The following KCTD8 variants were observed in gnomAD, a reference collection of about 807,000 sequenced individuals.
KCTD8 encodes the protein potassium channel tetramerization domain containing 8, also known as BTB/POZ domain-containing protein KCTD8.
A neutral mutation model predicts 31.5 loss-of-function variants in KCTD8; 27 were observed. That is an observed-to-expected ratio of 0.86 (90% CI 0.63 to 1.18). The LOEUF is 1.18. KCTD8 is among the 50% of genes most tolerant of loss of function. The pLI is 0.00. For synonymous variants in KCTD8, 290 were observed against 280.0 expected, an observed-to-expected ratio of 1.04 and a Z score of -0.36; for missense variants, 658 against 647.7, an observed-to-expected ratio of 1.02 and a Z score of -0.17.
chr4:44,375,066 C>T (rs1719886152), intron 1 of KCTD8, among the ~76,000 whole-genome samples: 1 of 152,146 alleles, frequency 6.6e-6, no homozygotes. Context: ...TTATGACATT[C>T]ATTCACCTGA....
chr4:44,350,815 T>G (rs1719175984), intron 1 of KCTD8, among the ~76,000 whole-genome samples: 1 of 152,174 alleles, frequency 6.6e-6, no homozygotes, highest in Non-Finnish European at 1.5e-5. Context: ...TTTTCTGCCC[T>G]AATTCAGCCT....
At chr4:44,305,437 A>G (rs531738100) in intron 1 of KCTD8, among the ~76,000 whole-genome samples, 1 of 151,882 alleles carries the variant, frequency 6.6e-6, no homozygotes, top group South Asian at 2.1e-4. Flanking sequence ...AGATGCAGCT[A>G]TATTTATATC....
intron 1 of KCTD8, among the ~76,000 whole-genome samples, chr4:44,211,363 A>G (rs1398423014): frequency 6.6e-6 from 1 of 152,206 alleles, no homozygotes; most frequent in Non-Finnish European, 1.5e-5. Flanking sequence ...TTATTTTAGT[A>G]TACATAAACA....
chr4:44,393,753 T>C (rs1012733809), intron 1 of KCTD8, among the ~76,000 whole-genome samples: 1 of 151,920 alleles, frequency 6.6e-6, no homozygotes, highest in African/African-American at 2.4e-5. Flanking sequence ...CATGAACTAG[T>C]TATCCTCACC....
At chr4:44,242,345 G>A (rs188077345) in intron 1 of KCTD8, among the ~76,000 whole-genome samples, 26 of 152,246 alleles carry the variant, frequency 1.7e-4, no homozygotes, top group Admixed American at 7.8e-4. Context: ...TTGGGAGGCC[G>A]ACGCAGGCGG....
intron 1 of KCTD8, among the ~76,000 whole-genome samples, chr4:44,426,178 C>T (rs1206186471): frequency 1.3e-5 from 2 of 151,186 alleles, no homozygotes; most frequent in Non-Finnish European, 3.0e-5. Flanking sequence ...TTAAGTAGGT[C>T]CATCAAGAAA....
intron 1 of KCTD8, among the ~76,000 whole-genome samples, chr4:44,422,365 T>C (rs1721234844): frequency 6.6e-6 from 1 of 152,010 alleles, no homozygotes; most frequent in South Asian, 2.1e-4. Flanking sequence ...TTTGTGTAAA[T>C]GGGAAGGAGG....
chr4:44,187,990 C>CACACACACACACACAT (rs1553891508), intron 1 of KCTD8, among the ~76,000 whole-genome samples: 27 of 142,236 alleles, frequency 1.9e-4, no homozygotes, highest in Admixed American at 1.5e-3. Flanking sequence ...CACACACACA[C>CACACACACACACACAT]ATATATATAT....
At chr4:44,212,701 C>G (rs1315571358) in intron 1 of KCTD8, among the ~76,000 whole-genome samples, 1 of 152,086 alleles carries the variant, frequency 6.6e-6, no homozygotes, top group East Asian at 1.9e-4. Context: ...CATTCTTTTA[C>G]ACTCAAAATT....
At chr4:44,435,789 G>A (rs1040103769) in intron 1 of KCTD8, among the ~76,000 whole-genome samples, 1 of 152,056 alleles carries the variant, frequency 6.6e-6, no homozygotes, top group African/African-American at 2.4e-5. Context: ...ATACTAGCAT[G>A]AGGAGGCTAG....
intron 1 of KCTD8, among the ~76,000 whole-genome samples, chr4:44,317,394 C>T (rs1289557390): frequency 1.4e-5 from 2 of 143,668 alleles, no homozygotes; most frequent in African/African-American, 5.6e-5. Context: ...CGCCCGCCAC[C>T]GCACCCGGCT....
At chr4:44,305,933 T>C (rs1717787976) in intron 1 of KCTD8, among the ~76,000 whole-genome samples, 1 of 151,874 alleles carries the variant, frequency 6.6e-6, no homozygotes, top group African/African-American at 2.4e-5. Flanking sequence ...TATTTATCAA[T>C]ATTTAAAAAC....
At chr4:44,373,913 C>T (rs1719853386) in intron 1 of KCTD8, among the ~76,000 whole-genome samples, 1 of 152,176 alleles carries the variant, frequency 6.6e-6, no homozygotes, top group Non-Finnish European at 1.5e-5. Flanking sequence ...TGTGAAATGT[C>T]TCAGATCTCA....
At chr4:44,412,466 C>A (rs944180884) in intron 1 of KCTD8, among the ~76,000 whole-genome samples, 1 of 152,144 alleles carries the variant, frequency 6.6e-6, no homozygotes, top group African/African-American at 2.4e-5. Flanking sequence ...AATATAGTTT[C>A]CCCAATTAGT....
At chr4:44,303,113 C>G (rs1302854276) in intron 1 of KCTD8, among the ~76,000 whole-genome samples, 2 of 151,710 alleles carry the variant, frequency 1.3e-5, no homozygotes, top group African/African-American at 2.4e-5. Context: ...CTGCTGGATT[C>G]CGTTTGCCAG....
chr4:44,438,397 A>C (rs1196516939), intron 1 of KCTD8, among the ~76,000 whole-genome samples: 1 of 152,152 alleles, frequency 6.6e-6, no homozygotes, highest in East Asian at 1.9e-4. Context: ...AACTGTTGAA[A>C]CTGCAAACTA....
chr4:44,266,682 T>G (rs1716378990), intron 1 of KCTD8, among the ~76,000 whole-genome samples: 1 of 150,642 alleles, frequency 6.6e-6, no homozygotes, highest in Non-Finnish European at 1.5e-5. Context: ...AGGCTCAAAA[T>G]AAAAGGATGG....
intron 1 of KCTD8, among the ~76,000 whole-genome samples, chr4:44,385,118 T>C (rs1431826169): frequency 6.6e-6 from 1 of 151,672 alleles, no homozygotes; most frequent in Non-Finnish European, 1.5e-5. Context: ...GAAGACGTAA[T>C]ACTGTTAAAA....
In KCTD8 at chr4:44,267,497, G is replaced by A. The variant is rs553613527; in HGVS notation, c.962-92247C>T. 6.9e-4 allele frequency among the ~76,000 whole-genome samples: 105 copies of A among 152,178 alleles called. 1 individual carries two copies. Among genetic ancestry groups the A allele is most frequent in the African/African-American group, 2.4e-3 (100 of 41,522 alleles). ...ACAATTAAAAGAACTGGAAAAGCAA[G>A]AGCAAACACATTCAAAAGCTAGCAG... On this transcript the variant is annotated intron_variant, in intron 1 of 1. Transcript: ENST00000360029.
Sources: allele counts gnomAD v4.1 joint callset (sites outside exome capture counted in the v4.1 genomes callset), GRCh38; gene constraint gnomAD v4.1.1; transcripts MANE v1.5; gene names NCBI Gene and HGNC (gene_info 2026-07-23, HGNC 2026-07-21).